RBFOX1: variants seen among roughly 807,000 people sequenced by gnomAD.
RBFOX1 encodes the protein RNA binding fox-1 homolog 1, also known as RNA binding protein fox-1 homolog 1.
A neutral mutation model predicts 57.7 loss-of-function variants in RBFOX1; 8 were observed. The ratio of observed to expected loss-of-function variants is 0.14; its 90% CI spans 0.08 to 0.25. RBFOX1 has a LOEUF of 0.25. Among genes scored for constraint, RBFOX1 ranks in the 10% least tolerant of loss-of-function variants. The probability of loss-of-function intolerance (pLI) is 1.00; values close to 1 mark genes in which losing one functional copy is unlikely to be tolerated. For synonymous variants in RBFOX1, 326 were observed against 222.4 expected, an observed-to-expected ratio of 1.47 and a Z score of -4.15; for missense variants, 611 against 548.5, an observed-to-expected ratio of 1.11 and a Z score of -1.14.
intron 1 of RBFOX1, among the ~76,000 whole-genome samples, chr16:6,100,978 G>A (rs577263490): frequency 6.6e-6 from 1 of 152,218 alleles, no homozygotes; most frequent in South Asian, 2.1e-4. Flanking sequence ...GAAATTGTCA[G>A]CCTCCTATTC....
chr16:6,745,291 C>G (rs1019079380), intron 3 of RBFOX1, among the ~76,000 whole-genome samples: 2 of 151,952 alleles, frequency 1.3e-5, no homozygotes, highest in Non-Finnish European at 2.9e-5. Context: ...TTTCCCAATC[C>G]ATTCTATGAG....
At chr16:6,453,061 G>A (rs1482271796) in intron 2 of RBFOX1, among the ~76,000 whole-genome samples, 3 of 152,040 alleles carry the variant, frequency 2.0e-5, no homozygotes, top group African/African-American at 7.2e-5. Context: ...GGTATGTATT[G>A]TACAACTACT....
intron 3 of RBFOX1, among the ~76,000 whole-genome samples, chr16:6,930,462 C>T (rs1031546546): frequency 9.9e-5 from 15 of 152,058 alleles, no homozygotes; most frequent in African/African-American, 1.9e-4. Flanking sequence ...CAGGCTGGAG[C>T]GCAGTGGTGT....
At chr16:5,908,152 A>G (rs1481500902) in intron 4 of RBFOX1, among the ~76,000 whole-genome samples, 1 of 130,536 alleles carries the variant, frequency 7.7e-6, no homozygotes, top group Non-Finnish European at 1.8e-5. Flanking sequence ...ATACACATAT[A>G]TACACATATA....
At chr16:6,027,548 G>A (rs9927022) in intron 1 of RBFOX1, among the ~76,000 whole-genome samples, 6,738 of 152,196 alleles carry the variant, frequency 0.044, 453 homozygotes, top group African/African-American at 0.15. Flanking sequence ...TACAAATGGA[G>A]ATTATCACTA....
chr16:6,769,730 G>A (rs1236206516), intron 3 of RBFOX1, among the ~76,000 whole-genome samples: 1 of 152,154 alleles, frequency 6.6e-6, no homozygotes, highest in Non-Finnish European at 1.5e-5. Flanking sequence ...GATCTTGGCT[G>A]ATAATTTGGG....
intron 2 of RBFOX1, among the ~76,000 whole-genome samples, chr16:6,591,952 T>A (rs1056893269): frequency 1.3e-5 from 2 of 152,232 alleles, no homozygotes; most frequent in African/African-American, 4.8e-5. Context: ...AGATGTTAAG[T>A]AATATTTGAT....
At chr16:5,787,271 G>A (rs2054536070) in intron 3 of RBFOX1, among the ~76,000 whole-genome samples, 1 of 152,202 alleles carries the variant, frequency 6.6e-6, no homozygotes, top group Non-Finnish European at 1.5e-5. Flanking sequence ...GGATTGTGCT[G>A]CTTGGGGATC....
chr16:6,297,473 G>A lies in RBFOX1; in HGVS notation c.-126-19522G>A, dbSNP rs536600298. Among the ~76,000 whole-genome samples, 5 of 152,120 alleles carry A rather than the reference G, an allele frequency of 3.3e-5. No individual in the cohort carries two copies. The South Asian group carries it at 1.0e-3, about 32-fold the overall frequency. On this transcript the variant is annotated intron_variant, in intron 1 of 15. Transcript: ENST00000550418. Reference sequence around the variant, plus strand: ...GGCCTTAGCATTACTGTGACCTTGGGCATTTTATAAAATGCCTGTGAATGC... The same window carrying A: ...GGCCTTAGCATTACTGTGACCTTGGACATTTTATAAAATGCCTGTGAATGC...
intron 3 of RBFOX1, among the ~76,000 whole-genome samples, chr16:5,668,003 C>A (rs1282723012): frequency 6.6e-6 from 1 of 151,986 alleles, no homozygotes; most frequent in Non-Finnish European, 1.5e-5. Flanking sequence ...AGAAATACAC[C>A]ATTTTGTCCA....
At chr16:6,052,595 T>C (rs1312280165) in intron 1 of RBFOX1, among the ~76,000 whole-genome samples, 1 of 151,830 alleles carries the variant, frequency 6.6e-6, no homozygotes, top group Non-Finnish European at 1.5e-5. Flanking sequence ...CCATCCTGGC[T>C]AACTTGGTGA....
At chr16:6,899,280 G>T (rs1338547689) in intron 3 of RBFOX1, among the ~76,000 whole-genome samples, 1 of 152,104 alleles carries the variant, frequency 6.6e-6, no homozygotes, top group South Asian at 2.1e-4. Context: ...GTGCATGTAT[G>T]TGTGTATAAT....
At chr16:7,271,759 T>C (rs892044962) in intron 4 of RBFOX1, among the ~76,000 whole-genome samples, 1 of 152,034 alleles carries the variant, frequency 6.6e-6, no homozygotes. Flanking sequence ...CCACAGTAGT[T>C]CTCTGTATCC....
intron 3 of RBFOX1, among the ~76,000 whole-genome samples, chr16:6,707,881 A>G (rs993943522): frequency 6.6e-6 from 1 of 152,190 alleles, no homozygotes; most frequent in Non-Finnish European, 1.5e-5. Context: ...TAACTCTTGG[A>G]TGTGCTCCTC....
chr16:6,932,651 G>T (rs1242439721), intron 3 of RBFOX1, among the ~76,000 whole-genome samples: 2 of 152,138 alleles, frequency 1.3e-5, no homozygotes, highest in Non-Finnish European at 2.9e-5. Flanking sequence ...ATCTTTCATG[G>T]AGAGTTGCAC....
At chr16:5,425,472 C>T (rs1482054084) in intron 1 of RBFOX1, among the ~76,000 whole-genome samples, 1 of 152,104 alleles carries the variant, frequency 6.6e-6, no homozygotes, top group Non-Finnish European at 1.5e-5. Context: ...CTGCCATAGC[C>T]CCCAAGTCTC....
chr16:7,464,688 C>CCTTTT (rs2060176166), intron 4 of RBFOX1, among the ~76,000 whole-genome samples: 21 of 62,272 alleles, frequency 3.4e-4, no homozygotes, highest in African/African-American at 1.4e-3. Flanking sequence ...TATTGTCTGT[C>CCTTTT]TTTTTTTTTT....
chr16:5,732,402 G>A (rs1244158454), intron 3 of RBFOX1, among the ~76,000 whole-genome samples: 1 of 152,198 alleles, frequency 6.6e-6, no homozygotes, highest in Non-Finnish European at 1.5e-5. Flanking sequence ...CAACTCAGGA[G>A]CAAGAAAGCT....
intron 3 of RBFOX1, among the ~76,000 whole-genome samples, chr16:5,848,914 A>T (rs2056821922): frequency 6.6e-6 from 1 of 152,120 alleles, no homozygotes; most frequent in Non-Finnish European, 1.5e-5. Flanking sequence ...ATGCCACTGC[A>T]CTTCAGCCTG....
Sources: allele counts gnomAD v4.1 joint callset (sites outside exome capture counted in the v4.1 genomes callset), GRCh38; gene constraint gnomAD v4.1.1; transcripts MANE v1.5; gene names NCBI Gene and HGNC (gene_info 2026-07-23, HGNC 2026-07-21).